INPP5A: variants seen among roughly 807,000 people sequenced by gnomAD.
The protein encoded by INPP5A is 43 kDa inositol polyphosphate 5-phophatase.
In INPP5A, 14 loss-of-function variants were observed where a neutral mutation model predicts 65.2. That is an observed-to-expected ratio of 0.21 (90% CI 0.14 to 0.34). The LOEUF is 0.34. Among genes scored for constraint, INPP5A ranks in the 10% least tolerant of loss-of-function variants. INPP5A has a pLI of 1.00. For synonymous variants in INPP5A, 207 were observed against 208.3 expected, an observed-to-expected ratio of 0.99 and a Z score of 0.05; for missense variants, 431 against 545.6, an observed-to-expected ratio of 0.79 and a Z score of 2.09.
At chr10:132,671,363 G>A (rs572499134) in intron 4 of INPP5A, among the ~76,000 whole-genome samples, 187 of 149,614 alleles carry the variant, frequency 1.2e-3, no homozygotes, top group African/African-American at 3.8e-3. Flanking sequence ...TTCGGACTCC[G>A]CCCTCCCTGC....
intron 4 of INPP5A, among the ~76,000 whole-genome samples, chr10:132,660,408 CGT>C (rs149638166): frequency 6.6e-6 from 1 of 151,722 alleles, no homozygotes; most frequent in African/African-American, 2.4e-5. Flanking sequence ...TTGCAGAACT[CGT>C]GTGTGTGTGT....
chr10:132,771,982 G>A (rs60791939), intron 12 of INPP5A, among the ~76,000 whole-genome samples: 106 of 924 alleles, frequency 0.11, 34 homozygotes, highest in Middle Eastern at 1. Flanking sequence ...CACCCCACGA[G>A]GAGTGGGACA....
Position 132,783,268 on chromosome 10 carries a change from T to C in INPP5A, c.*1239T>C, listed in dbSNP as rs960030502. The C allele has an allele frequency of 6.6e-6, 1 of 152,348 alleles. No individual in the cohort carries two copies. Among genetic ancestry groups the C allele is most frequent in the African/African-American group, 2.4e-5 (1 of 41,434 alleles). 9.4% of individuals were successfully genotyped at this position (152,348 alleles called of 1,614,324 possible). A position where few individuals can be genotyped will look rare whatever the true frequency, so the allele number is the denominator to read the frequency against. Reference sequence around the variant, plus strand: ...CGGGTGAAGGCATTAGCTGGGTGTTTGTGTGGGATAAATACTACCACTGCA... The same window carrying C: ...CGGGTGAAGGCATTAGCTGGGTGTTCGTGTGGGATAAATACTACCACTGCA... On this transcript the variant is annotated 3_prime_UTR_variant, in exon 16 of 16. Transcript: ENST00000368594.
chr10:132,731,674 T>C (rs1377070889), intron 9 of INPP5A, among the ~76,000 whole-genome samples: 1 of 152,198 alleles, frequency 6.6e-6, no homozygotes, highest in East Asian at 1.9e-4. Flanking sequence ...GTGGGGGCTC[T>C]CCAGCCCCGC....
At chr10:132,625,076 G>A (rs911769251) in intron 2 of INPP5A, among the ~76,000 whole-genome samples, 4 of 150,818 alleles carry the variant, frequency 2.7e-5, no homozygotes, top group Non-Finnish European at 5.9e-5. Context: ...CTCACAGGCT[G>A]AGCCTTGGAG....
intron 1 of INPP5A, among the ~76,000 whole-genome samples, chr10:132,544,402 G>T (rs80172666): frequency 0.035 from 5,327 of 152,252 alleles, 121 homozygotes; most frequent in African/African-American, 0.073. Context: ...TCCCTGCCCC[G>T]GTGCGGCAAT....
At position 132,678,465 on chromosome 10, in the gene INPP5A, A is replaced by T. The variant is rs1291210871; in HGVS notation, c.307-11927A>T. 1.3e-5 allele frequency among the ~76,000 whole-genome samples: 2 copies of T among 152,062 alleles called. No homozygotes were observed. Among genetic ancestry groups the T allele is most frequent in the Admixed American group, 1.3e-4 (2 of 15,272 alleles). On this transcript the variant is annotated intron_variant, in intron 4 of 15. Coordinates refer to ENST00000368594, the MANE Select transcript of INPP5A (RefSeq NM_005539.5). The surrounding 1 kb of genome is among the most constrained non-coding windows in gnomAD (Gnocchi z 4.1). ...CCTTTGTGATAGGGTTAAATGTGTG[A>T]CTTTTGCAAGTGTGTTCAGCTTCTC...
At chr10:132,567,172 C>A (rs988132963) in intron 1 of INPP5A, among the ~76,000 whole-genome samples, 1 of 152,226 alleles carries the variant, frequency 6.6e-6, no homozygotes, top group African/African-American at 2.4e-5. Flanking sequence ...TCCGGCCACC[C>A]TCCTGTGCAG....
At chr10:132,541,092 C>G (rs2070901006) in intron 1 of INPP5A, among the ~76,000 whole-genome samples, 1 of 146,326 alleles carries the variant, frequency 6.8e-6, no homozygotes, top group African/African-American at 2.5e-5. Flanking sequence ...CGCCCTGACT[C>G]AGGTGAACCT....
intron 4 of INPP5A, among the ~76,000 whole-genome samples, chr10:132,653,940 G>A (rs866449262): frequency 6.6e-6 from 1 of 152,256 alleles, no homozygotes; most frequent in Non-Finnish European, 1.5e-5. Flanking sequence ...CAAAGTGCCC[G>A]ACAGTGACGT....
intron 4 of INPP5A, among the ~76,000 whole-genome samples, chr10:132,668,887 C>A (rs1185288467): frequency 6.6e-6 from 1 of 152,130 alleles, no homozygotes; most frequent in African/African-American, 2.4e-5. Context: ...GCGTGTACTG[C>A]TTGTGAGGCT....
In INPP5A at chr10:132,575,454, G is replaced by C. The variant is rs2071401666; in HGVS notation, c.76-32461G>C. ...GCACCACAGGGGCCTGCACGTCACT[G>C]TCAGTCTGGTTAAACATCATAAAAT... On this transcript the variant is annotated intron_variant, in intron 1 of 15. Coordinates refer to ENST00000368594, the MANE Select transcript of INPP5A (RefSeq NM_005539.5). This position sits in a 1 kb window ranked among gnomAD's most constrained non-coding sequence, Gnocchi z 5.4. Among the ~76,000 whole-genome samples the C allele has an allele frequency of 6.6e-6, 1 of 152,134 alleles. No homozygotes were observed. The highest frequency in any genetic ancestry group is 2.4e-5 in the African/African-American group (1 of 41,430).
chr10:132,735,603 G>A (rs1590969093), intron 9 of INPP5A, among the ~76,000 whole-genome samples: 1 of 152,210 alleles, frequency 6.6e-6, no homozygotes, highest in East Asian at 1.9e-4. Context: ...CTCGGTCCTG[G>A]GCTGGTGGGG....
At chr10:132,760,442 T>C (rs1026166361) in intron 11 of INPP5A, among the ~76,000 whole-genome samples, 1 of 152,212 alleles carries the variant, frequency 6.6e-6, no homozygotes, top group East Asian at 1.9e-4. Context: ...AGAGCCCTCA[T>C]TGCAAGAGGC....
chr10:132,549,723 A>G lies in INPP5A; in HGVS notation c.75+11552A>G, dbSNP rs1000755910. Among the ~76,000 whole-genome samples, 8 of 152,212 alleles carry G rather than the reference A, an allele frequency of 5.3e-5. No homozygotes were observed. The highest frequency in any genetic ancestry group is 5.2e-4 in the Admixed American group (8 of 15,286). Reference sequence around the variant, plus strand: ...CGGGGCTTCCGTGAGGCTCTGTGACACAGGTCGGGGCCACCCAGCCCAGCC... The same window carrying G: ...CGGGGCTTCCGTGAGGCTCTGTGACGCAGGTCGGGGCCACCCAGCCCAGCC... On this transcript the variant is annotated intron_variant, in intron 1 of 15. Transcript: ENST00000368594. The surrounding 1 kb of genome is among the most constrained non-coding windows in gnomAD (Gnocchi z 4.9).
chr10:132,540,839 C>A (rs4880265), intron 1 of INPP5A, among the ~76,000 whole-genome samples: 13,208 of 152,272 alleles, frequency 0.087, 637 homozygotes, highest in Middle Eastern at 0.11. Context: ...AGTGCTGGAG[C>A]CGGTCACAGT....
At chr10:132,540,688 A>AG (rs1364153094) in intron 1 of INPP5A, among the ~76,000 whole-genome samples, 3 of 152,242 alleles carry the variant, frequency 2.0e-5, no homozygotes, top group Non-Finnish European at 4.4e-5. Context: ...CCTGGATTTC[A>AG]GGGGACCTGC....
intron 1 of INPP5A, among the ~76,000 whole-genome samples, chr10:132,597,887 G>T (rs1286111132): frequency 2.0e-5 from 3 of 149,328 alleles, no homozygotes; most frequent in Non-Finnish European, 3.0e-5. Context: ...GTGTTCCGGG[G>T]CTGTGCTATG....
chr10:132,638,665 T>A (rs2072388263), intron 2 of INPP5A, among the ~76,000 whole-genome samples: 1 of 152,192 alleles, frequency 6.6e-6, no homozygotes, highest in Admixed American at 6.5e-5. Context: ...CCTCTTGGGC[T>A]TATGTGATTC....
Sources: gnomAD v4.1 joint callset for allele counts (sites outside exome capture counted in the v4.1 genomes callset) on GRCh38, gnomAD v4.1.1 for gene constraint, Gnocchi (gnomAD v3.1) non-coding constraint, MANE v1.5 for transcripts, NCBI Gene and HGNC (gene_info 2026-07-23, HGNC 2026-07-21) for gene names.